C8orf34: variants seen among roughly 807,000 people sequenced by gnomAD.
The protein encoded by C8orf34 is uncharacterized protein C8orf34.
Under a neutral mutation model 68.3 loss-of-function variants are expected in C8orf34, and 65 were observed. The observed-to-expected ratio is 0.95, with a 90% CI of 0.78 to 1.17. C8orf34 has a LOEUF of 1.17. Among genes scored for constraint, C8orf34 ranks in the 50% most tolerant of loss-of-function variants. The pLI, the probability that C8orf34 is intolerant of heterozygous loss-of-function variation, is 0.00. For synonymous variants in C8orf34, 244 were observed against 241.2 expected (o/e 1.01, Z -0.11); for missense variants, 664 against 655.4 (o/e 1.01, Z -0.14).
intron 11 of C8orf34, among the ~76,000 whole-genome samples, chr8:68,783,106 G>T (rs1218510789): frequency 2.0e-5 from 3 of 151,456 alleles, no homozygotes; most frequent in Non-Finnish European, 4.4e-5. Context: ...AAATCATTTT[G>T]AAATTTGGTT....
intron 1 of C8orf34, among the ~76,000 whole-genome samples, chr8:68,408,999 G>T (rs1382479485): frequency 6.6e-6 from 1 of 152,126 alleles, no homozygotes; most frequent in Non-Finnish European, 1.5e-5. Context: ...ATGTTGGCCA[G>T]CCTGATCTTG....
chr8:68,448,051 T>A (rs996586274), intron 3 of C8orf34: 3 of 152,154 alleles, frequency 2.0e-5, no homozygotes, highest in African/African-American at 7.2e-5. Context: ...GATCCCTACC[T>A]CTCTCTCTTT....
chr8:68,347,430 T>C (rs79301535), intron 1 of C8orf34, among the ~76,000 whole-genome samples: 66,267 of 151,890 alleles, frequency 0.44, 14,703 homozygotes, highest in Non-Finnish European at 0.48. Context: ...AACATTCTTG[T>C]GTATGTGTCT....
chr8:68,688,517 C>T (rs553287707), intron 8 of C8orf34, among the ~76,000 whole-genome samples: 14 of 152,136 alleles, frequency 9.2e-5, no homozygotes, highest in East Asian at 1.9e-4. Flanking sequence ...AAGATACATG[C>T]GCACGTATGT....
At chr8:68,446,031 A>G (rs1811107153) in intron 2 of C8orf34, among the ~76,000 whole-genome samples, 1 of 152,118 alleles carries the variant, frequency 6.6e-6, no homozygotes. Flanking sequence ...ACCTCAGGTG[A>G]TCCACCTTGG....
chr8:68,680,529 A>C (rs998259065), intron 8 of C8orf34, among the ~76,000 whole-genome samples: 2 of 152,138 alleles, frequency 1.3e-5, no homozygotes, highest in South Asian at 2.1e-4. Flanking sequence ...GGGTTTCAAA[A>C]GGGGAGGGGG....
intron 8 of C8orf34, among the ~76,000 whole-genome samples, chr8:68,699,051 A>C (rs1427068194): frequency 6.6e-6 from 1 of 151,960 alleles, no homozygotes; most frequent in Non-Finnish European, 1.5e-5. Context: ...ATCATCTGGA[A>C]ACTTACTAGA....
At chr8:68,643,683 G>T (rs959077857) in intron 8 of C8orf34, among the ~76,000 whole-genome samples, 4 of 152,050 alleles carry the variant, frequency 2.6e-5, no homozygotes, top group Non-Finnish European at 5.9e-5. Flanking sequence ...ATTCATGAGG[G>T]TTCCACCCTT....
At chr8:68,410,829 A>G (rs1809412473) in intron 1 of C8orf34, among the ~76,000 whole-genome samples, 1 of 152,232 alleles carries the variant, frequency 6.6e-6, no homozygotes, top group Non-Finnish European at 1.5e-5. Context: ...AACTGCCAAC[A>G]GCACCCCTTC....
chr8:68,555,513 A>G lies in C8orf34; in HGVS notation c.1105+22364A>G, dbSNP rs539753663. ...TCCTTAGCAAGACTAAGATTTTAGA[A>G]AACTCTTATACTATTAATTTTCTGC... On this transcript the variant is annotated intron_variant, in intron 7 of 13. Coordinates refer to ENST00000518698, the MANE Select transcript of C8orf34 (RefSeq NM_052958.4). Among the ~76,000 whole-genome samples the G allele has an allele frequency of 2.0e-5, 3 of 152,178 alleles. No homozygotes were observed. In the East Asian group the frequency reaches 5.8e-4, roughly 29 times the overall value.
chr8:68,772,456 C>G (rs1585859172), intron 10 of C8orf34, among the ~76,000 whole-genome samples: 1 of 152,160 alleles, frequency 6.6e-6, no homozygotes, highest in African/African-American at 2.4e-5. Context: ...TATAAAATAA[C>G]CAGGGGACCG....
intron 8 of C8orf34, among the ~76,000 whole-genome samples, chr8:68,650,711 C>T (rs1457699850): frequency 1.3e-5 from 2 of 152,024 alleles, no homozygotes; most frequent in Admixed American, 1.3e-4. Flanking sequence ...GATCTCCTGA[C>T]CTCGTGATCC....
intron 7 of C8orf34, among the ~76,000 whole-genome samples, chr8:68,615,434 G>C (rs1275893626): frequency 6.6e-6 from 1 of 152,004 alleles, no homozygotes; most frequent in Admixed American, 6.6e-5. Flanking sequence ...GTTTGTCATA[G>C]ATAGTTCTTG....
chr8:68,683,648 T>C (rs905423242), intron 8 of C8orf34, among the ~76,000 whole-genome samples: 2 of 152,032 alleles, frequency 1.3e-5, no homozygotes, highest in African/African-American at 4.8e-5. Context: ...AAAAAACGTA[T>C]CTCAACAACT....
intron 8 of C8orf34, among the ~76,000 whole-genome samples, chr8:68,675,578 A>AACAC: frequency 6.6e-6 from 1 of 152,022 alleles, no homozygotes; most frequent in African/African-American, 2.4e-5. Context: ...ATAAAAAAAA[A>AACAC]ACACACACAA....
At chr8:68,454,966 A>C (rs1053114208) in intron 3 of C8orf34, among the ~76,000 whole-genome samples, 1 of 151,890 alleles carries the variant, frequency 6.6e-6, no homozygotes. Flanking sequence ...TTTTGTCACA[A>C]AGTATTTTCT....
chr8:68,737,301 G>A (rs1441268788), intron 10 of C8orf34, among the ~76,000 whole-genome samples: 1 of 151,922 alleles, frequency 6.6e-6, no homozygotes, highest in African/African-American at 2.4e-5. Flanking sequence ...TTTTTCCCAG[G>A]CATTTATCAC....
intron 12 of C8orf34, among the ~76,000 whole-genome samples, chr8:68,806,627 G>A (rs1225843475): frequency 6.6e-6 from 1 of 152,034 alleles, no homozygotes; most frequent in African/African-American, 2.4e-5. Context: ...TTATCATAGT[G>A]TGCCTACATG....
chr8:68,607,190 C>A (rs1817880908), intron 7 of C8orf34, among the ~76,000 whole-genome samples: 1 of 152,058 alleles, frequency 6.6e-6, no homozygotes, highest in African/African-American at 2.4e-5. Flanking sequence ...TTCTTCTTTG[C>A]TTCATTGGCA....
Sources: gnomAD v4.1 joint callset for allele counts (sites outside exome capture counted in the v4.1 genomes callset) on GRCh38, gnomAD v4.1.1 for gene constraint, MANE v1.5 for transcripts, NCBI Gene and HGNC (gene_info 2026-07-23, HGNC 2026-07-21) for gene names.